UNC5D: variants seen among roughly 807,000 people sequenced by gnomAD.
UNC5D encodes the protein netrin receptor UNC5D.
UNC5D carries 39 observed loss-of-function variants against 105.4 expected under a neutral mutation model. That is an observed-to-expected ratio of 0.37 (90% CI 0.29 to 0.48). The LOEUF is 0.48. UNC5D is among the 20% of genes least tolerant of loss of function. The probability of loss-of-function intolerance (pLI) is 0.98; values close to 1 mark genes in which losing one functional copy is unlikely to be tolerated. For synonymous variants in UNC5D, 452 were observed against 450.4 expected, an observed-to-expected ratio of 1.00 and a Z score of -0.04; for missense variants, 991 against 1,202.4, an observed-to-expected ratio of 0.82 and a Z score of 2.60.
chr8:35,512,465 CATATATATATATAT>C (rs780945660), intron 1 of UNC5D, among the ~76,000 whole-genome samples: 777 of 20,114 alleles, frequency 0.039, 32 homozygotes, highest in African/African-American at 0.12. Flanking sequence ...AATAGTGAGC[CATATATATATATAT>C]ATATATATAT....
chr8:35,627,163 A>T (rs559759411), intron 4 of UNC5D, among the ~76,000 whole-genome samples: 1 of 152,350 alleles, frequency 6.6e-6, no homozygotes, highest in South Asian at 2.1e-4. Context: ...GACAAGTAGG[A>T]AAAAGCTTTG....
At chr8:35,296,791 G>T (rs1585521811) in intron 1 of UNC5D, among the ~76,000 whole-genome samples, 1 of 151,994 alleles carries the variant, frequency 6.6e-6, no homozygotes, top group African/African-American at 2.4e-5. Context: ...AAAATATATT[G>T]GTTGATTACA....
intron 1 of UNC5D, among the ~76,000 whole-genome samples, chr8:35,243,713 C>T (rs984580380): frequency 1.3e-5 from 2 of 152,072 alleles, no homozygotes; most frequent in African/African-American, 2.4e-5. Flanking sequence ...GTTTCCCAAG[C>T]GGTTGGATCC....
chr8:35,486,595 T>C (rs1810838661), intron 1 of UNC5D, among the ~76,000 whole-genome samples: 1 of 152,146 alleles, frequency 6.6e-6, no homozygotes. Flanking sequence ...GTTTGGTCCA[T>C]GAGATCAAAG....
intron 1 of UNC5D, among the ~76,000 whole-genome samples, chr8:35,285,040 T>A (rs1355524137): frequency 6.6e-6 from 1 of 152,186 alleles, no homozygotes; most frequent in Non-Finnish European, 1.5e-5. Flanking sequence ...TAGATACCAA[T>A]ACCTAAATGA....
chr8:35,780,600 A>T (rs2131771125), intron 16 of UNC5D, among the ~76,000 whole-genome samples: 1 of 152,332 alleles, frequency 6.6e-6, no homozygotes, highest in Non-Finnish European at 1.5e-5. Context: ...AAGAGGGAAG[A>T]TGATGAGTAC....
chr8:35,383,550 C>G (rs1246839146), intron 1 of UNC5D, among the ~76,000 whole-genome samples: 1 of 152,132 alleles, frequency 6.6e-6, no homozygotes, highest in East Asian at 1.9e-4. Flanking sequence ...TGAATAAATA[C>G]ACAGATAAAG....
intron 4 of UNC5D, among the ~76,000 whole-genome samples, chr8:35,669,607 G>A (rs1824644775): frequency 6.6e-6 from 1 of 152,010 alleles, no homozygotes; most frequent in Non-Finnish European, 1.5e-5. Context: ...CATTGTTACA[G>A]TGTCCCAATG....
At chr8:35,447,803 G>T (rs1444980501) in intron 1 of UNC5D, among the ~76,000 whole-genome samples, 2 of 152,140 alleles carry the variant, frequency 1.3e-5, no homozygotes, top group Middle Eastern at 3.4e-3. Context: ...ATAGAGATTT[G>T]TAGAAAATCT....
chr8:35,331,800 G>C (rs10954985), intron 1 of UNC5D, among the ~76,000 whole-genome samples: 66,209 of 151,926 alleles, frequency 0.44, 14,701 homozygotes, highest in East Asian at 0.7. Flanking sequence ...ACTGACTATA[G>C]GACATCTGCC....
At chr8:35,291,287 C>A (rs1465458915) in intron 1 of UNC5D, among the ~76,000 whole-genome samples, 2 of 152,046 alleles carry the variant, frequency 1.3e-5, no homozygotes, top group African/African-American at 4.8e-5. Context: ...TGATAGAGAG[C>A]TGGGATAATT....
chr8:35,663,041 C>CA (rs1296634626), intron 4 of UNC5D, among the ~76,000 whole-genome samples: 1 of 152,192 alleles, frequency 6.6e-6, no homozygotes, highest in Non-Finnish European at 1.5e-5. Flanking sequence ...AACCATCCCC[C>CA]ACTTCCCCCA....
intron 7 of UNC5D, among the ~76,000 whole-genome samples, chr8:35,695,013 T>C (rs1321082860): frequency 1.3e-5 from 2 of 152,242 alleles, no homozygotes; most frequent in African/African-American, 4.8e-5. Flanking sequence ...GTTAAGATAG[T>C]GTCTAATGAA....
chr8:35,652,742 T>A (rs1823500243), intron 4 of UNC5D, among the ~76,000 whole-genome samples: 1 of 151,866 alleles, frequency 6.6e-6, no homozygotes, highest in Admixed American at 6.6e-5. Flanking sequence ...CATGTTATCA[T>A]CTTGAAGAAA....
intron 7 of UNC5D, among the ~76,000 whole-genome samples, chr8:35,690,355 A>G (rs1826304862): frequency 6.6e-6 from 1 of 152,194 alleles, no homozygotes; most frequent in South Asian, 2.1e-4. Flanking sequence ...AACACCAGAC[A>G]TGGTGGCTCA....
intron 1 of UNC5D, among the ~76,000 whole-genome samples, chr8:35,353,469 G>A (rs1282128723): frequency 1.3e-5 from 2 of 152,080 alleles, no homozygotes; most frequent in Non-Finnish European, 2.9e-5. Context: ...GAATCTCCAC[G>A]TACATAATAT....
chr8:35,368,422 A>C (rs933369275), intron 1 of UNC5D, among the ~76,000 whole-genome samples: 1 of 152,184 alleles, frequency 6.6e-6, no homozygotes, highest in Admixed American at 6.6e-5. Flanking sequence ...ATATCTTTAC[A>C]GTTCATTCCT....
intron 1 of UNC5D, among the ~76,000 whole-genome samples, chr8:35,520,726 A>T (rs1035239375): frequency 1.3e-5 from 2 of 152,114 alleles, no homozygotes; most frequent in African/African-American, 4.8e-5. Flanking sequence ...GAGAGATCTG[A>T]AAAAGAAAGA....
rs2087117140 is a variant in UNC5D, at chr8:35,726,272, T to G, written c.1424T>G (p.Phe475Cys). 1.2e-6 allele frequency: 2 copies of G among 1,614,100 alleles called. No individual in the cohort carries two copies. The highest frequency in any genetic ancestry group is 1.7e-6 in the Non-Finnish European group (2 of 1,180,002). The change falls in exon 10 of 17, where the codon TTT becomes TGT. Residue 475 changes from phenylalanine (F) to cysteine (C), a missense_variant. By Grantham distance (205) the Phe-to-Cys change is radical (BLOSUM62 -2). Transcript: ENST00000404895. ...DKELMTESSL[F>C]NPLSDIKVKV... ...GAGCTCATGACAGAGTCCTCACTCT[T>G]TAACCCTTTGTCGGACATCAAAGTG... is the stretch of plus-strand genomic sequence containing the variant.
Sources: allele counts gnomAD v4.1 joint callset (sites outside exome capture counted in the v4.1 genomes callset), GRCh38; gene constraint gnomAD v4.1.1; transcripts MANE v1.5; gene names NCBI Gene and HGNC (gene_info 2026-07-23, HGNC 2026-07-21).